KDM4C: variants seen among roughly 807,000 people sequenced by gnomAD.
KDM4C encodes the protein lysine demethylase 4C, also known as lysine-specific demethylase 4C.
KDM4C carries 81 observed loss-of-function variants against 129.3 expected under a neutral mutation model. The ratio of observed to expected loss-of-function variants is 0.63; its 90% confidence interval spans 0.52 to 0.75. The LOEUF (loss-of-function observed/expected upper bound fraction) is 0.75. Among genes scored for constraint, KDM4C ranks in the 30% least tolerant of loss-of-function variants. The pLI is 0.00. For synonymous variants in KDM4C, 573 were observed against 456.1 expected (o/e 1.26, Z -3.26); for missense variants, 1,457 against 1,304.0 (o/e 1.12, Z -1.81).
chr9:7,171,713 G>A (rs552903670), intron 21 of KDM4C, among the ~76,000 whole-genome samples: 7 of 152,116 alleles, frequency 4.6e-5, no homozygotes, highest in Middle Eastern at 3.4e-3. Context: ...AGTAGATTTC[G>A]CTCAGATACC....
chr9:7,040,849 G>T (rs1412640898), intron 15 of KDM4C, among the ~76,000 whole-genome samples: 1 of 151,492 alleles, frequency 6.6e-6, no homozygotes, highest in African/African-American at 2.4e-5. Context: ...TGATTGCTAT[G>T]TAGCCAGGTA....
intron 8 of KDM4C, among the ~76,000 whole-genome samples, chr9:6,931,191 T>A (rs533767402): frequency 6.6e-6 from 1 of 151,774 alleles, no homozygotes; most frequent in Non-Finnish European, 1.5e-5. Flanking sequence ...CATTGCTGGA[T>A]ACTCCCCTTG....
At chr9:6,927,882 T>C (rs925312677) in intron 8 of KDM4C, among the ~76,000 whole-genome samples, 2 of 152,226 alleles carry the variant, frequency 1.3e-5, no homozygotes, top group African/African-American at 2.4e-5. Flanking sequence ...CTGAAACTGC[T>C]GTAATCATTG....
chr9:6,868,360 T>C, intron 5 of KDM4C, among the ~76,000 whole-genome samples: 1 of 152,122 alleles, frequency 6.6e-6, no homozygotes, highest in East Asian at 1.9e-4. Flanking sequence ...ATAGCATTCA[T>C]CCCAGGAAAC....
intron 6 of KDM4C, among the ~76,000 whole-genome samples, 154 bp from the exon 7 acceptor site, chr9:6,887,800 AACTCTG>A (rs1296625590): frequency 2.0e-5 from 3 of 152,210 alleles, no homozygotes; most frequent in African/African-American, 4.8e-5. Context: ...TAAGAATTCT[AACTCTG>A]ACTCTGAGTT....
chr9:6,770,768 T>C (rs1271946828), intron 1 of KDM4C, among the ~76,000 whole-genome samples: 1 of 109,442 alleles, frequency 9.1e-6, no homozygotes, highest in East Asian at 2.3e-4. Flanking sequence ...ATTTTGATCC[T>C]TTTTTTTTTT....
chr9:6,877,194 G>C (rs1843693913), intron 5 of KDM4C, among the ~76,000 whole-genome samples: 1 of 152,120 alleles, frequency 6.6e-6, no homozygotes, highest in Admixed American at 6.5e-5. Context: ...AAAAGGCTTA[G>C]AAAGTGCTAA....
chr9:6,981,929 C>G (rs1816831666), intron 9 of KDM4C: 1 of 205,342 alleles, frequency 4.9e-6, no homozygotes, highest in Non-Finnish European at 1.2e-5. Context: ...CATAACCTCA[C>G]TATCCAGAGA....
chr9:6,851,485 C>T (rs1259718738), intron 5 of KDM4C, among the ~76,000 whole-genome samples: 2 of 152,042 alleles, frequency 1.3e-5, no homozygotes, highest in Non-Finnish European at 2.9e-5. Flanking sequence ...GATGCTCTTT[C>T]TGACATTCAC....
intron 8 of KDM4C, chr9:6,924,810 G>A: frequency 1.0e-6 from 1 of 979,246 alleles, no homozygotes; most frequent in East Asian, 1.1e-4. Flanking sequence ...TTTGGTTTCT[G>A]CATTCCACTT....
chr9:6,782,558 G>A (rs139124130), intron 1 of KDM4C, among the ~76,000 whole-genome samples: 98 of 152,124 alleles, frequency 6.4e-4, no homozygotes, highest in Middle Eastern at 3.4e-3. Flanking sequence ...TCGTAACGGC[G>A]TACACGTGAC....
At chr9:6,889,526 G>A (rs1278839165) in intron 7 of KDM4C, among the ~76,000 whole-genome samples, 1 of 152,092 alleles carries the variant, frequency 6.6e-6, no homozygotes, top group African/African-American at 2.4e-5. Context: ...GAGGGCACAG[G>A]CTGTGCCACT....
chr9:6,918,427 G>A (rs543446940), intron 8 of KDM4C, among the ~76,000 whole-genome samples: 299 of 152,228 alleles, frequency 2.0e-3, no homozygotes, highest in African/African-American at 6.8e-3. Flanking sequence ...ACTGTGGATG[G>A]GCACTTAGGT....
chr9:6,840,959 G>A (rs1051523060), intron 4 of KDM4C, among the ~76,000 whole-genome samples: 9 of 152,232 alleles, frequency 5.9e-5, no homozygotes, highest in Non-Finnish European at 8.8e-5. Context: ...AAGACCAAGA[G>A]CACATCTAAA....
intron 20 of KDM4C, among the ~76,000 whole-genome samples, chr9:7,169,148 G>A (rs1038929793): frequency 6.6e-6 from 1 of 151,250 alleles, no homozygotes; most frequent in East Asian, 1.9e-4. Flanking sequence ...GAAATGAACC[G>A]TGCTGACAGA....
intron 8 of KDM4C, among the ~76,000 whole-genome samples, chr9:6,906,530 G>A (rs537033652): frequency 1.8e-4 from 28 of 152,306 alleles, no homozygotes; most frequent in Middle Eastern, 3.4e-3. Flanking sequence ...CTCCCTAGTA[G>A]CTGGGACTAC....
At chr9:7,170,520 A>G (rs1182601506) in intron 21 of KDM4C, 1 of 970,674 alleles carries the variant, frequency 1.0e-6, no homozygotes, top group Non-Finnish European at 1.2e-6. Context: ...AAATATTCAA[A>G]ACTGCAGTCA....
At chr9:7,159,886 A>G (rs1012607976) in intron 19 of KDM4C, among the ~76,000 whole-genome samples, 13 of 152,240 alleles carry the variant, frequency 8.5e-5, no homozygotes, top group Admixed American at 5.2e-4. Flanking sequence ...CTCGCTTGCT[A>G]GGTTGGGGAC....
At chr9:7,115,677 A>C (rs896470524) in intron 18 of KDM4C, among the ~76,000 whole-genome samples, 4 of 152,248 alleles carry the variant, frequency 2.6e-5, no homozygotes, top group African/African-American at 9.6e-5. Flanking sequence ...AATAACTTCC[A>C]ATATTTCTAA....
Sources: allele counts gnomAD v4.1 joint callset (sites outside exome capture counted in the v4.1 genomes callset), GRCh38; gene constraint gnomAD v4.1.1; transcripts MANE v1.5; gene names NCBI Gene and HGNC (gene_info 2026-07-23, HGNC 2026-07-21).